The following C1orf141 variants were observed in gnomAD, a reference collection of about 807,000 sequenced individuals.
C1orf141 encodes uncharacterized protein C1orf141.
Under a neutral mutation model 23.2 loss-of-function variants are expected in C1orf141, and 19 were observed. That is an observed-to-expected ratio of 0.82 (90% CI 0.57 to 1.20). The LOEUF (loss-of-function observed/expected upper bound fraction) is 1.20. Ranked by LOEUF, C1orf141 falls within the 50% of genes most tolerant of loss-of-function variation. C1orf141 has a pLI of 0.00. For synonymous variants in C1orf141, 153 were observed against 154.6 expected (o/e 0.99, Z 0.08); for missense variants, 469 against 455.1 (o/e 1.03, Z -0.28).
intron 2 of C1orf141, among the ~76,000 whole-genome samples, chr1:67,128,855 ACTAAGGTT>A (rs1268840398): frequency 6.6e-6 from 1 of 152,182 alleles, no homozygotes; most frequent in East Asian, 1.9e-4. Context: ...TAATGTTAAT[ACTAAGGTT>A]CTTTCCAGCT....
At position 67,093,196 on chromosome 1, in the gene C1orf141, G is replaced by C. The variant is rs1485580984; in HGVS notation, c.1012C>G (p.His338Asp). The change falls in exon 8 of 8, where the codon CAT becomes GAT. Residue 338 changes from histidine (H) to aspartate (D), a missense_variant. Coordinates refer to ENST00000684719, the MANE Select transcript of C1orf141 (RefSeq NM_001276351.2). The stretch of plus-strand genomic sequence containing the variant: ...TTTCCAGTTTGGGCACTCATTTCAT[G>C]AATAACAGCTTTATCAAGGTAACCC... ...FVGYLDKAVI[H>D]EMSAQTGKFE... 6.2e-7 allele frequency: 1 copy of C among 1,612,672 alleles called. No homozygotes were observed. Among genetic ancestry groups the C allele is most frequent in the African/African-American group, 1.3e-5 (1 of 75,020 alleles).
chr1:67,127,514 G>C (rs1409408701), intron 2 of C1orf141, among the ~76,000 whole-genome samples: 3 of 152,124 alleles, frequency 2.0e-5, no homozygotes, highest in Non-Finnish European at 4.4e-5. Flanking sequence ...GAAAGTTCAC[G>C]ATTACCATGA....
chr1:67,136,782 A>G (rs1035816311), upstream of C1orf141, among the ~76,000 whole-genome samples: 4 of 152,200 alleles, frequency 2.6e-5, no homozygotes, highest in African/African-American at 9.6e-5. Flanking sequence ...TGATTTGCCC[A>G]GCATCTTATA....
At chr1:67,110,631 T>C (rs1448724965) in intron 5 of C1orf141, among the ~76,000 whole-genome samples, 1 of 152,044 alleles carries the variant, frequency 6.6e-6, no homozygotes, top group South Asian at 2.1e-4. Flanking sequence ...AAATATCACA[T>C]GGATATTTCT....
intron 5 of C1orf141, chr1:67,113,712 C>T (rs17129659): frequency 0.052 from 66,235 of 1,274,510 alleles, 2,852 homozygotes; most frequent in African/African-American, 0.21. Flanking sequence ...AATGAGAATC[C>T]GCTGAAGAGG....
intron 1 of C1orf141, among the ~76,000 whole-genome samples, chr1:67,133,791 C>T (rs376319291): frequency 6.6e-5 from 10 of 152,194 alleles, no homozygotes; most frequent in African/African-American, 2.4e-4. Context: ...AGGAGCGAGG[C>T]CTCTGAAGAA....
At chr1:67,113,141 G>A (rs377423292) in intron 5 of C1orf141, among the ~76,000 whole-genome samples, 7 of 151,940 alleles carry the variant, frequency 4.6e-5, no homozygotes, top group South Asian at 4.2e-4. Flanking sequence ...CACCACACCC[G>A]GCTAATTTTT....
At chr1:67,121,615 G>C (rs2102481821) in intron 4 of C1orf141, 1 of 149,106 alleles carries the variant, frequency 6.7e-6, no homozygotes, top group East Asian at 2.0e-4. Context: ...TGAGTTTTGA[G>C]TATTATCTTT....
At position 67,125,920 on chromosome 1, in the gene C1orf141, GC is replaced by G; in HGVS notation, c.76-12del. On this transcript the variant is annotated splice_polypyrimidine_tract_variant and intron_variant, in intron 3 of 7. Coordinates refer to ENST00000684719, the MANE Select transcript of C1orf141 (RefSeq NM_001276351.2). ...CTGAAGCCTGTTTATCTGCAGCAAT[GC>G]CAAAGTGAAAAAAAAAAAAAAAAAA... 2 of 1,236,462 alleles carry G rather than the reference GC, an allele frequency of 1.6e-6. No individual in the cohort carries two copies. Among genetic ancestry groups the G allele is most frequent in the Admixed American group, 3.1e-5 (1 of 32,204 alleles). The allele number at this position is 1,236,462 out of a possible 1,614,324, so 76.6% of individuals were successfully genotyped here. A position where few individuals can be genotyped will look rare whatever the true frequency, so the allele number is the denominator to read the frequency against.
chr1:67,129,295 GA>G lies in C1orf141; in HGVS notation c.-18+1846del, dbSNP rs946502112. Among the ~76,000 whole-genome samples, 334 of 144,666 alleles carry G rather than the reference GA, an allele frequency of 2.3e-3. 6 individuals carry two copies. The Middle Eastern group carries it at 0.025, about 11-fold the overall frequency. 94.9% of individuals were successfully genotyped at this position (144,666 alleles called of 152,430 possible). A position where few individuals can be genotyped will look rare whatever the true frequency, so the allele number is the denominator to read the frequency against. On this transcript the variant is annotated intron_variant, in intron 2 of 7. Transcript: ENST00000684719. ...ACATAGCAAGACCTCATCTCATGAA[GA>G]AAAAAAAAAAGTAGCCAGGCACAGT...
At chr1:67,112,513 G>A (rs568307119) in intron 5 of C1orf141, among the ~76,000 whole-genome samples, 1 of 152,140 alleles carries the variant, frequency 6.6e-6, no homozygotes, top group South Asian at 2.1e-4. Flanking sequence ...ACTAGCCTGG[G>A]CAACATGGTG....
intron 5 of C1orf141, chr1:67,113,906 A>T: frequency 3.1e-6 from 1 of 318,724 alleles, no homozygotes; most frequent in Non-Finnish European, 6.0e-6. Flanking sequence ...GACTTAAAAG[A>T]TGATAAGGGA....
chr1:67,125,969 A>G, intron 3 of C1orf141, 60 bp from the exon 4 acceptor site: 1 of 1,432,654 alleles, frequency 7.0e-7, no homozygotes, highest in East Asian at 2.5e-5. Flanking sequence ...ATATGGGGAA[A>G]ATCTTAGGTG....
upstream of C1orf141, among the ~76,000 whole-genome samples, chr1:67,136,614 T>G (rs1646587573): frequency 6.6e-6 from 1 of 152,202 alleles, no homozygotes; most frequent in African/African-American, 2.4e-5. Context: ...CAGTTAATAT[T>G]TATGGAACAC....
chr1:67,106,737 G>T (rs781155391), intron 5 of C1orf141, among the ~76,000 whole-genome samples: 9 of 151,908 alleles, frequency 5.9e-5, no homozygotes, highest in Non-Finnish European at 1.3e-4. Flanking sequence ...TCAAAGTAAA[G>T]GAAAAACATA....
chr1:67,106,386 C>T (rs1645927083), intron 5 of C1orf141, among the ~76,000 whole-genome samples: 1 of 152,136 alleles, frequency 6.6e-6, no homozygotes. Flanking sequence ...GCAGCTCATG[C>T]CTGTTATCCC....
chr1:67,112,991 T>C (rs1646109587), intron 5 of C1orf141, among the ~76,000 whole-genome samples: 1 of 152,218 alleles, frequency 6.6e-6, no homozygotes. Flanking sequence ...ATTTGTTTAT[T>C]TATTTTGAGA....
chr1:67,115,286 A>C, intron 5 of C1orf141, 66 bp downstream of exon 5: 1 of 651,790 alleles, frequency 1.5e-6, no homozygotes, highest in East Asian at 3.0e-5. Flanking sequence ...CACATCGGTA[A>C]ATAATAAAAT....
upstream of C1orf141, chr1:67,139,275 A>T (rs981090276): frequency 1.3e-5 from 2 of 152,234 alleles, no homozygotes; most frequent in African/African-American, 4.8e-5. Context: ...CATAAAATGG[A>T]TAGATTAACT....
Sources: allele counts gnomAD v4.1 joint callset (sites outside exome capture counted in the v4.1 genomes callset), GRCh38; gene constraint gnomAD v4.1.1; transcripts MANE v1.5; gene names NCBI Gene and HGNC (gene_info 2026-07-23, HGNC 2026-07-21).